The following MAP3K3 variants were observed in gnomAD, a reference collection of about 807,000 sequenced individuals.
MAP3K3 encodes MAP/ERK kinase kinase 3.
Under a neutral mutation model 80.9 loss-of-function variants are expected in MAP3K3, and 12 were observed. That is an observed-to-expected ratio of 0.15 (90% CI 0.10 to 0.24). The LOEUF (loss-of-function observed/expected upper bound fraction) is 0.24. MAP3K3 is among the 10% of genes least tolerant of loss of function. MAP3K3 has a pLI of 1.00. For synonymous variants in MAP3K3, 272 were observed against 307.1 expected (o/e 0.89, Z 1.19); for missense variants, 596 against 834.7 (o/e 0.71, Z 3.52).
At chr17:63,680,645 C>G (rs771998322) in intron 6 of MAP3K3, among the ~76,000 whole-genome samples, 7 of 152,156 alleles carry the variant, frequency 4.6e-5, no homozygotes, top group Non-Finnish European at 7.3e-5. Flanking sequence ...CAGTGACTTA[C>G]AAAGTGTGTC....
chr17:63,632,718 G>T lies in MAP3K3; in HGVS notation c.42G>T (p.Leu14=), dbSNP rs1435672840. Residue 14 remains leucine (L), a synonymous_variant, in exon 2 of 16, where the codon CTG becomes CTT. Transcript: ENST00000361733. The part of the protein sequence containing the change: ...QEALNSIMND[L]VALQMNRRHR... ...CATTGAACTCAATCATGAACGATCT[G>T]GTGGCCCTCCAGATGAACCGACGTC... 6.2e-7 allele frequency: 1 copy of T among 1,614,066 alleles called. No homozygotes were observed. The highest frequency in any genetic ancestry group is 8.5e-7 in the Non-Finnish European group (1 of 1,179,996).
chr17:63,691,983 T>G lies in MAP3K3; in HGVS notation c.1474+121T>G. The G allele has an allele frequency of 1.7e-6, 2 of 1,175,668 alleles. No individual in the cohort carries two copies. The highest frequency in any genetic ancestry group is 2.4e-6 in the Non-Finnish European group (2 of 822,930). The allele number at this position is 1,175,668 out of a possible 1,614,324, so 72.8% of individuals were successfully genotyped here. On this transcript the variant is annotated intron_variant, in intron 14 of 15. Coordinates refer to ENST00000361733, the MANE Select transcript of MAP3K3 (RefSeq NM_002401.5). This position sits in a 1 kb window ranked among gnomAD's most constrained non-coding sequence, Gnocchi z 4.8. ...TCTGAAAAGTGGGACCCCAGTTGTT[T>G]CCCTGAGGAACTGGTGAGATTGGTT...
intron 2 of MAP3K3, among the ~76,000 whole-genome samples, chr17:63,633,020 T>C (rs983684698): frequency 6.6e-6 from 1 of 151,902 alleles, no homozygotes; most frequent in African/African-American, 2.4e-5. Context: ...CTGAAGTCAG[T>C]AGTTTGAGAC....
intron 5 of MAP3K3, 120 bp from the exon 6 acceptor site, chr17:63,666,820 A>G (rs1417202844): frequency 5.7e-6 from 6 of 1,047,138 alleles, no homozygotes; most frequent in Admixed American, 4.9e-5. Context: ...TGGGTAGCTC[A>G]TGTATTAAAA....
chr17:63,649,982 C>T (rs1379859750), intron 3 of MAP3K3, among the ~76,000 whole-genome samples: 1 of 152,236 alleles, frequency 6.6e-6, no homozygotes, highest in Non-Finnish European at 1.5e-5. Context: ...TGAGAAAGAA[C>T]CACACACTTC....
rs1241978257 is a variant in MAP3K3 at position 63,691,408 on chromosome 17, G to A, written c.1344+175G>A. ...TTGGAGTCAGGAGGGCCCTGCCTCA[G>A]GTTGCAGTGGGAGTATGAGATGACA... is the stretch of plus-strand genomic sequence containing the variant. On this transcript the variant is annotated intron_variant, in intron 13 of 15. Coordinates refer to ENST00000361733, the MANE Select transcript of MAP3K3 (RefSeq NM_002401.5). This position sits in a 1 kb window ranked among gnomAD's most constrained non-coding sequence, Gnocchi z 4.8. 6.6e-6 allele frequency among the ~76,000 whole-genome samples: 1 copy of A among 152,204 alleles called. No homozygotes were observed. The highest frequency in any genetic ancestry group is 2.4e-5 in the African/African-American group (1 of 41,454).
chr17:63,679,741 G>T (rs2035292689), intron 6 of MAP3K3, among the ~76,000 whole-genome samples: 1 of 152,022 alleles, frequency 6.6e-6, no homozygotes, highest in Non-Finnish European at 1.5e-5. Context: ...CGAAGTGTCG[G>T]GATAATAGGT....
At chr17:63,636,131 G>A (rs749837279) in intron 2 of MAP3K3, among the ~76,000 whole-genome samples, 6 of 152,190 alleles carry the variant, frequency 3.9e-5, no homozygotes, top group Non-Finnish European at 7.3e-5. Flanking sequence ...TTTGGGTGCC[G>A]AGGCCTGGAA....
At chr17:63,677,692 A>G (rs2035246150) in intron 6 of MAP3K3, among the ~76,000 whole-genome samples, 1 of 152,026 alleles carries the variant, frequency 6.6e-6, no homozygotes, top group Admixed American at 6.6e-5. Context: ...GGAGAAAACA[A>G]CTCTGAATTT....
chr17:63,686,302 T>A (rs988254250), intron 8 of MAP3K3, among the ~76,000 whole-genome samples: 1 of 152,250 alleles, frequency 6.6e-6, no homozygotes, highest in Non-Finnish European at 1.5e-5. Context: ...AGTGATATTA[T>A]GACTATGGCT....
At chr17:63,668,929 GA>G (rs1395171702) in intron 6 of MAP3K3, among the ~76,000 whole-genome samples, 1 of 152,164 alleles carries the variant, frequency 6.6e-6, no homozygotes, top group Non-Finnish European at 1.5e-5. Flanking sequence ...GGCTTTCACA[GA>G]AAAGGTAACA....
rs147178930 is a variant in MAP3K3 at position 63,640,270 on chromosome 17, A to C, written c.127-5764A>C. 3.0e-3 allele frequency among the ~76,000 whole-genome samples: 455 copies of C among 152,338 alleles called. 1 individual carries two copies. The highest frequency in any genetic ancestry group is 5.0e-3 in the Non-Finnish European group (338 of 68,026). ...ATAGCTACTGCACTCCAGCCTGGGC[A>C]ACATAGCGAGACCCCATCTCTGAAA... On this transcript the variant is annotated intron_variant, in intron 2 of 15. Coordinates refer to ENST00000361733, the MANE Select transcript of MAP3K3 (RefSeq NM_002401.5).
chr17:63,676,243 G>A (rs1290919904), intron 6 of MAP3K3, among the ~76,000 whole-genome samples: 1 of 152,174 alleles, frequency 6.6e-6, no homozygotes, highest in Non-Finnish European at 1.5e-5. Context: ...GAAAACCTTT[G>A]CTATTTTTCC....
chr17:63,658,479 C>G (rs1425167894), intron 5 of MAP3K3, among the ~76,000 whole-genome samples: 1 of 152,182 alleles, frequency 6.6e-6, no homozygotes, highest in Non-Finnish European at 1.5e-5. Flanking sequence ...TGCACAGTTT[C>G]CTCTCCTGAA....
At chr17:63,686,200 C>T (rs759819596) in intron 8 of MAP3K3, among the ~76,000 whole-genome samples, 4 of 152,162 alleles carry the variant, frequency 2.6e-5, no homozygotes, top group African/African-American at 4.8e-5. Context: ...CTTTTGATCA[C>T]GTCTGTCTGG....
At chr17:63,623,619 G>A (rs1391782591) in intron 1 of MAP3K3, among the ~76,000 whole-genome samples, 2 of 152,194 alleles carry the variant, frequency 1.3e-5, no homozygotes, top group South Asian at 2.1e-4. Flanking sequence ...TCCGCACGTA[G>A]CATTTGAGTT....
chr17:63,666,051 G>A (rs1202469680), intron 5 of MAP3K3, among the ~76,000 whole-genome samples: 1 of 152,128 alleles, frequency 6.6e-6, no homozygotes, highest in Non-Finnish European at 1.5e-5. Flanking sequence ...GACATCACTT[G>A]ATTACCTCCA....
chr17:63,678,429 AATT>A (rs1455694211), intron 6 of MAP3K3, among the ~76,000 whole-genome samples: 1 of 151,820 alleles, frequency 6.6e-6, no homozygotes, highest in African/African-American at 2.4e-5. Context: ...TTTATCTCAG[AATT>A]GGTGGCCTCT....
At chr17:63,633,082 G>A (rs528194590) in intron 2 of MAP3K3, among the ~76,000 whole-genome samples, 4 of 152,148 alleles carry the variant, frequency 2.6e-5, no homozygotes, top group East Asian at 1.9e-4. Flanking sequence ...CACAAAATTA[G>A]CCAGGTGTGG....
Sources: gnomAD v4.1 joint callset for allele counts (sites outside exome capture counted in the v4.1 genomes callset) on GRCh38, gnomAD v4.1.1 for gene constraint, Gnocchi (gnomAD v3.1) non-coding constraint, MANE v1.5 for transcripts, NCBI Gene and HGNC (gene_info 2026-07-23, HGNC 2026-07-21) for gene names.